SEMA3A: variants seen among roughly 807,000 people sequenced by gnomAD.
The protein encoded by SEMA3A is semaphorin 3A, also known as semaphorin-3A.
A neutral mutation model predicts 97.9 loss-of-function variants in SEMA3A; 29 were observed. The observed-to-expected ratio is 0.30, with a 90% CI of 0.22 to 0.40. The LOEUF (loss-of-function observed/expected upper bound fraction) is 0.40. SEMA3A is among the 10% of genes least tolerant of loss of function. The probability of loss-of-function intolerance (pLI) is 1.00; values close to 1 mark genes in which losing one functional copy is unlikely to be tolerated. For synonymous variants in SEMA3A, 321 were observed against 323.7 expected (o/e 0.99, Z 0.09); for missense variants, 763 against 951.3 (o/e 0.80, Z 2.60).
chr7:83,977,618 A>G (rs929535093), intron 14 of SEMA3A, among the ~76,000 whole-genome samples: 2 of 151,968 alleles, frequency 1.3e-5, no homozygotes, highest in Non-Finnish European at 2.9e-5. Flanking sequence ...CTGATTATTA[A>G]TGAAGGAATA....
chr7:84,434,457 T>G (rs1428193471), intron 1 of SEMA3A, among the ~76,000 whole-genome samples: 1 of 152,168 alleles, frequency 6.6e-6, no homozygotes, highest in African/African-American at 2.4e-5. Context: ...GCACCAATTC[T>G]ACTGAAATGA....
chr7:84,453,236 TTTC>T (rs201491648), intron 1 of SEMA3A, among the ~76,000 whole-genome samples: 1,268 of 119,304 alleles, frequency 0.011, 12 homozygotes, highest in Admixed American at 0.05. Context: ...TGAGACTTTG[TTTC>T]TTTTTTTTTT....
chr7:84,214,866 T>A (rs1373526013), intron 3 of SEMA3A, among the ~76,000 whole-genome samples: 1 of 151,058 alleles, frequency 6.6e-6, no homozygotes, highest in Non-Finnish European at 1.5e-5. Flanking sequence ...ACCCAGCTAA[T>A]TTTTTTGTAT....
At chr7:84,299,183 T>C (rs1800936665) in intron 3 of SEMA3A, among the ~76,000 whole-genome samples, 1 of 151,824 alleles carries the variant, frequency 6.6e-6, no homozygotes, top group Admixed American at 6.6e-5. Flanking sequence ...CTTTACCTTG[T>C]GATCCTGTGA....
intron 3 of SEMA3A, among the ~76,000 whole-genome samples, chr7:84,229,813 A>C (rs1799078721): frequency 6.6e-6 from 1 of 151,942 alleles, no homozygotes; most frequent in Admixed American, 6.6e-5. Flanking sequence ...CGAGTCAACA[A>C]GCGTGCCCAA....
chr7:84,208,215 G>T (rs1209958551), intron 3 of SEMA3A, among the ~76,000 whole-genome samples: 1 of 152,122 alleles, frequency 6.6e-6, no homozygotes, highest in African/African-American at 2.4e-5. Context: ...CACTTTGGGA[G>T]GCCAAGGGGG....
At chr7:84,419,140 T>G (rs1804519132) in intron 1 of SEMA3A, among the ~76,000 whole-genome samples, 1 of 152,078 alleles carries the variant, frequency 6.6e-6, no homozygotes, top group Non-Finnish European at 1.5e-5. Flanking sequence ...ATGATGTGTG[T>G]CACCCTCAAT....
rs73180178 is a variant in SEMA3A at position 83,962,366 on chromosome 7, C to T, written c.1861-540G>A. On this transcript the variant is annotated intron_variant, in intron 16 of 16. Transcript: ENST00000265362. ...GACCATATTTTTGAATATTTGTAAC[C>T]TCACTTTTATTTTGAATACAGTTTA... 3.9e-3 allele frequency among the ~76,000 whole-genome samples: 589 copies of T among 152,024 alleles called. 2 individuals are homozygous for T. The highest frequency in any genetic ancestry group is 0.017 in the Middle Eastern group (5 of 294).
At chr7:84,423,193 G>T (rs35428742) in intron 1 of SEMA3A, among the ~76,000 whole-genome samples, 1 of 151,818 alleles carries the variant, frequency 6.6e-6, no homozygotes, top group Non-Finnish European at 1.5e-5. Flanking sequence ...AAGAAGACAT[G>T]TTTGTAGTTC....
chr7:84,086,726 A>G (rs1377187040), intron 4 of SEMA3A, among the ~76,000 whole-genome samples: 1 of 149,522 alleles, frequency 6.7e-6, no homozygotes, highest in Non-Finnish European at 1.5e-5. Flanking sequence ...GTATACATAT[A>G]TATGTGTGTA....
rs750499479 is a variant in SEMA3A, at chr7:83,963,368, G to A, written c.1718-21C>T. On this transcript the variant is annotated intron_variant, in intron 15 of 16. Coordinates refer to ENST00000265362, the MANE Select transcript of SEMA3A (RefSeq NM_006080.3). ...ATTATCTGGCCAGTGATGAGAAAAT[G>A]CAATGAGAAAATATTAGAGAAGTAA... 5 of 1,597,084 alleles carry A rather than the reference G, an allele frequency of 3.1e-6. No homozygotes were observed. The Admixed American group carries it at 6.8e-5, about 22-fold the overall frequency.
intron 3 of SEMA3A, among the ~76,000 whole-genome samples, chr7:84,245,599 T>C (rs888012541): frequency 6.6e-6 from 1 of 151,658 alleles, no homozygotes; most frequent in Non-Finnish European, 1.5e-5. Context: ...TTTCTTCTAA[T>C]AGTCAGGCCC....
At chr7:84,124,280 C>T (rs1057364206) in intron 3 of SEMA3A, among the ~76,000 whole-genome samples, 1 of 152,174 alleles carries the variant, frequency 6.6e-6, no homozygotes, top group Non-Finnish European at 1.5e-5. Flanking sequence ...TTTAAAGGCA[C>T]TTCATTTCCA....
rs1156635116 is a variant in SEMA3A at position 83,958,219 on chromosome 7, GACT to G, written c.*3149_*3151del. 1 of 152,358 alleles carries G rather than the reference GACT, an allele frequency of 6.6e-6. No homozygotes were observed. Among genetic ancestry groups the G allele is most frequent in the Non-Finnish European group, 1.5e-5 (1 of 67,936 alleles). 9.4% of individuals were successfully genotyped at this position (152,358 alleles called of 1,614,324 possible). On this transcript the variant is annotated 3_prime_UTR_variant, in exon 17 of 17. Coordinates refer to ENST00000265362, the MANE Select transcript of SEMA3A (RefSeq NM_006080.3). ...TAAATATAGAACCCAGTTTACAGAT[GACT>G]ACAATGAAGAAATCTGTTAGCTAAT...
At chr7:84,080,274 G>A (rs972442241) in intron 4 of SEMA3A, among the ~76,000 whole-genome samples, 1 of 150,492 alleles carries the variant, frequency 6.6e-6, no homozygotes, top group African/African-American at 2.5e-5. Flanking sequence ...AATGGGTGCA[G>A]CACACCAACA....
At chr7:84,441,339 A>C (rs972605745) in intron 1 of SEMA3A, among the ~76,000 whole-genome samples, 1 of 151,902 alleles carries the variant, frequency 6.6e-6, no homozygotes, top group Admixed American at 6.6e-5. Flanking sequence ...AACATCAATA[A>C]AGAGATAGAA....
chr7:83,999,275 G>T (rs1392570183), intron 12 of SEMA3A, among the ~76,000 whole-genome samples: 1 of 151,980 alleles, frequency 6.6e-6, no homozygotes, highest in Non-Finnish European at 1.5e-5. Context: ...AGTTTAAATT[G>T]ACATCTTTTT....
At chr7:83,966,683 G>C (rs74439390) in intron 15 of SEMA3A, among the ~76,000 whole-genome samples, 1 of 151,282 alleles carries the variant, frequency 6.6e-6, no homozygotes, top group Non-Finnish European at 1.5e-5. Context: ...GTTCTGCTGC[G>C]ATCAGCAATA....
intron 6 of SEMA3A, among the ~76,000 whole-genome samples, chr7:84,037,193 T>G (rs930155498): frequency 6.6e-6 from 1 of 152,132 alleles, no homozygotes; most frequent in Non-Finnish European, 1.5e-5. Flanking sequence ...GATTACCTGT[T>G]TTCCTACCCT....
Sources: allele counts gnomAD v4.1 joint callset (sites outside exome capture counted in the v4.1 genomes callset), GRCh38; gene constraint gnomAD v4.1.1; transcripts MANE v1.5; gene names NCBI Gene and HGNC (gene_info 2026-07-23, HGNC 2026-07-21).